Variants in NEDD9 observed in about 807,000 individuals in gnomAD.
The protein encoded by NEDD9 is enhancer of filamentation 1.
Under a neutral mutation model 76.6 loss-of-function variants are expected in NEDD9, and 26 were observed. That is an observed-to-expected ratio of 0.34 (90% CI 0.25 to 0.47). NEDD9 has a LOEUF of 0.47. Among genes scored for constraint, NEDD9 ranks in the 20% least tolerant of loss-of-function variants. The pLI is 1.00. For missense variants in NEDD9, 937 were observed against 1,058.5 expected, an observed-to-expected ratio of 0.89 and a Z score of 1.59; for synonymous variants, 392 against 414.2, an observed-to-expected ratio of 0.95 and a Z score of 0.65.
At chr6:11,257,704 C>G (rs1172296407) in intron 3 of NEDD9, among the ~76,000 whole-genome samples, 2 of 151,870 alleles carry the variant, frequency 1.3e-5, no homozygotes, top group Non-Finnish European at 2.9e-5. Context: ...AAACTCTAAA[C>G]AAGATGAGGG....
chr6:11,291,297 C>T (rs1374077799), intron 3 of NEDD9, among the ~76,000 whole-genome samples: 2 of 96,284 alleles, frequency 2.1e-5, no homozygotes, highest in African/African-American at 1.2e-4. Context: ...TTTTTTGAGA[C>T]GGAGTCTCGC....
intron 5 of NEDD9, among the ~76,000 whole-genome samples, chr6:11,189,236 C>T (rs1403615709): frequency 3.3e-5 from 5 of 152,046 alleles, no homozygotes; most frequent in African/African-American, 1.2e-4. Context: ...TGAGCCACTG[C>T]GCCCAGCCAG....
At chr6:11,233,369 A>G, upstream of NEDD9, 1 of 519,044 alleles carries the variant, frequency 1.9e-6, no homozygotes, top group East Asian at 5.4e-5. Context: ...CGGGTCACAC[A>G]TATTGAGCGA....
chr6:11,212,679 G>A (rs773185046), intron 2 of NEDD9, among the ~76,000 whole-genome samples: 1 of 152,212 alleles, frequency 6.6e-6, no homozygotes, highest in Non-Finnish European at 1.5e-5. Flanking sequence ...TTATAAGAAT[G>A]ACTTGAAGGA....
intron 3 of NEDD9, among the ~76,000 whole-genome samples, chr6:11,273,276 C>G (rs1013228937): frequency 4.6e-5 from 7 of 152,092 alleles, no homozygotes; most frequent in Non-Finnish European, 1.0e-4. Flanking sequence ...TGTACTTTAC[C>G]TAATAGATAT....
At chr6:11,377,013 T>G (rs1762978414) in intron 1 of NEDD9, among the ~76,000 whole-genome samples, 1 of 152,206 alleles carries the variant, frequency 6.6e-6, no homozygotes, top group African/African-American at 2.4e-5. Context: ...GCCTTGGTGA[T>G]TGCCACATGG....
At chr6:11,330,630 A>C (rs1762016068) in intron 2 of NEDD9, among the ~76,000 whole-genome samples, 1 of 152,196 alleles carries the variant, frequency 6.6e-6, no homozygotes, top group Non-Finnish European at 1.5e-5. Context: ...GCCAGGAAAG[A>C]CAAGGTCCGT....
At chr6:11,195,418 A>G (rs984405775) in intron 2 of NEDD9, among the ~76,000 whole-genome samples, 1 of 152,040 alleles carries the variant, frequency 6.6e-6, no homozygotes, top group Non-Finnish European at 1.5e-5. Flanking sequence ...GCCCTTTGCT[A>G]AAGAAAAACA....
At chr6:11,208,052 C>T (rs1415989798) in intron 2 of NEDD9, among the ~76,000 whole-genome samples, 1 of 152,054 alleles carries the variant, frequency 6.6e-6, no homozygotes, top group East Asian at 1.9e-4. Context: ...GTAGCGCATG[C>T]CTATAGTCCC....
intron 3 of NEDD9, among the ~76,000 whole-genome samples, chr6:11,238,432 G>A (rs1759651029): frequency 6.6e-6 from 1 of 152,206 alleles, no homozygotes; most frequent in South Asian, 2.1e-4. Context: ...CGCTCAATAA[G>A]GTCGAGTCTC....
intron 6 of NEDD9, 88 bp from the exon 7 acceptor site, chr6:11,185,759 AT>A: frequency 6.7e-7 from 1 of 1,490,218 alleles, no homozygotes; most frequent in Non-Finnish European, 9.1e-7. Flanking sequence ...AAAGACAGGG[AT>A]TTTAGTCGCT....
chr6:11,327,532 A>T (rs1298227002), intron 2 of NEDD9, among the ~76,000 whole-genome samples: 1 of 152,234 alleles, frequency 6.6e-6, no homozygotes, highest in African/African-American at 2.4e-5. Context: ...ATAGACCTCG[A>T]AGTCTGGAGG....
intron 3 of NEDD9, among the ~76,000 whole-genome samples, chr6:11,276,866 G>A (rs1383473066): frequency 6.6e-6 from 1 of 152,146 alleles, no homozygotes; most frequent in African/African-American, 2.4e-5. Context: ...AATTTGGAAG[G>A]AACATAATGG....
chr6:11,344,927 C>G (rs926297047), intron 1 of NEDD9, among the ~76,000 whole-genome samples: 2 of 152,198 alleles, frequency 1.3e-5, no homozygotes, highest in African/African-American at 4.8e-5. Context: ...ACTCATACTT[C>G]TCATTTCAAG....
chr6:11,336,914 C>G (rs765381664), intron 1 of NEDD9, among the ~76,000 whole-genome samples: 11 of 152,142 alleles, frequency 7.2e-5, no homozygotes, highest in Admixed American at 1.3e-4. Context: ...ATACAGGGAC[C>G]TGCCATCTCC....
intron 2 of NEDD9, among the ~76,000 whole-genome samples, chr6:11,325,792 T>A (rs908445047): frequency 6.6e-6 from 1 of 152,220 alleles, no homozygotes; most frequent in Non-Finnish European, 1.5e-5. Context: ...GCAAAGTTCC[T>A]TACATTAAAA....
chr6:11,229,343 G>A (rs918384148), intron 1 of NEDD9, among the ~76,000 whole-genome samples: 1 of 152,232 alleles, frequency 6.6e-6, no homozygotes, highest in Non-Finnish European at 1.5e-5. Context: ...TCAGCCATTA[G>A]CAGCCAGGCC....
chr6:11,302,633 C>T (rs1161932775), intron 3 of NEDD9, among the ~76,000 whole-genome samples: 1 of 152,040 alleles, frequency 6.6e-6, no homozygotes, highest in African/African-American at 2.4e-5. Flanking sequence ...ACTGGCAAAC[C>T]GAATCCAGCA....
At chr6:11,359,900 G>A (rs1266873851) in intron 1 of NEDD9, among the ~76,000 whole-genome samples, 1 of 152,242 alleles carries the variant, frequency 6.6e-6, no homozygotes, top group East Asian at 1.9e-4. Flanking sequence ...ACCACATCTT[G>A]AAGTGGCGTG....
Sources: gnomAD v4.1 joint callset for allele counts (sites outside exome capture counted in the v4.1 genomes callset) on GRCh38, gnomAD v4.1.1 for gene constraint, MANE v1.5 for transcripts, NCBI Gene and HGNC (gene_info 2026-07-23, HGNC 2026-07-21) for gene names.